The following PXDNL variants were observed in gnomAD, a reference collection of about 807,000 sequenced individuals.
The protein encoded by PXDNL is peroxidasin like, also known as probable oxidoreductase PXDNL.
PXDNL carries 145 observed loss-of-function variants against 150.8 expected under a neutral mutation model. The observed-to-expected ratio is 0.96, with a 90% CI of 0.84 to 1.10. The LOEUF is 1.10. PXDNL is among the 50% of genes least tolerant of loss of function. The pLI, the probability that PXDNL is intolerant of heterozygous loss-of-function variation, is 0.00. For synonymous variants in PXDNL, 757 were observed against 725.7 expected (o/e 1.04, Z -0.69); for missense variants, 2,087 against 1,873.9 (o/e 1.11, Z -2.10).
intron 4 of PXDNL, among the ~76,000 whole-genome samples, chr8:51,531,026 A>G (rs1811890085): frequency 6.6e-6 from 1 of 152,084 alleles, no homozygotes; most frequent in Non-Finnish European, 1.5e-5. Context: ...AATTGTAAAC[A>G]CAAGAAAGTC....
intron 2 of PXDNL, among the ~76,000 whole-genome samples, chr8:51,596,198 G>T (rs994449145): frequency 1.3e-5 from 2 of 152,086 alleles, no homozygotes; most frequent in African/African-American, 4.8e-5. Context: ...ATGACTTCCA[G>T]ATGCATCCAT....
At chr8:51,791,832 T>TA (rs1387876143) in intron 1 of PXDNL, among the ~76,000 whole-genome samples, 2 of 152,164 alleles carry the variant, frequency 1.3e-5, no homozygotes, top group Non-Finnish European at 2.9e-5. Context: ...TCTTGAAAGT[T>TA]AGATTTTTTT....
chr8:51,371,315 G>A (rs1484478226), intron 19 of PXDNL, among the ~76,000 whole-genome samples: 1 of 152,214 alleles, frequency 6.6e-6, no homozygotes, highest in African/African-American at 2.4e-5. Context: ...AAGGGATATT[G>A]TGAGCACAAA....
chr8:51,483,679 G>T lies in PXDNL; in HGVS notation c.488C>A (p.Ala163Asp). The change falls in exon 6 of 23, where the codon GCT becomes GAT. Residue 163 changes from alanine to aspartate, a missense_variant. Coordinates refer to ENST00000356297, the MANE Select transcript of PXDNL (RefSeq NM_144651.5). The stretch of plus-strand genomic sequence containing the variant: ...TGAATCCAGATTAGAAAAGCTCCCA[G>T]CTGGAATTTTAGATAATTTGTTGTT... ...LHNNKLSKIP[A>D]GSFSNLDSLK... The T allele has an allele frequency of 6.6e-7, 1 of 1,525,982 alleles. No homozygotes were observed. The highest frequency in any genetic ancestry group is 8.9e-7 in the Non-Finnish European group (1 of 1,125,794). The allele number at this position is 1,525,982 out of a possible 1,614,324, so 94.5% of individuals were successfully genotyped here. A position where few individuals can be genotyped will look rare whatever the true frequency, so the allele number is the denominator to read the frequency against.
At chr8:51,779,306 A>C (rs1563318919) in intron 1 of PXDNL, among the ~76,000 whole-genome samples, 2 of 152,220 alleles carry the variant, frequency 1.3e-5, no homozygotes, top group African/African-American at 4.8e-5. Context: ...CACACATATC[A>C]TGATCTGACG....
chr8:51,632,587 C>A (rs1814514204), intron 2 of PXDNL, among the ~76,000 whole-genome samples: 1 of 152,070 alleles, frequency 6.6e-6, no homozygotes. Flanking sequence ...GAATGAGACC[C>A]TATCTCAATC....
chr8:51,330,843 C>A (rs150738270), intron 21 of PXDNL, among the ~76,000 whole-genome samples: 46 of 152,182 alleles, frequency 3.0e-4, no homozygotes, highest in African/African-American at 1.1e-3. Flanking sequence ...TCATCTAAAC[C>A]AATTATGGGT....
intron 12 of PXDNL, among the ~76,000 whole-genome samples, chr8:51,440,735 C>T (rs1809524267): frequency 6.6e-6 from 1 of 152,122 alleles, no homozygotes; most frequent in Non-Finnish European, 1.5e-5. Flanking sequence ...CAGAGAAATA[C>T]CTGAGACCAG....
At chr8:51,489,578 A>T (rs1013532007) in intron 5 of PXDNL, among the ~76,000 whole-genome samples, 1 of 152,184 alleles carries the variant, frequency 6.6e-6, no homozygotes, top group African/African-American at 2.4e-5. Context: ...TCAGCCTCTC[A>T]AAGTGCAGGC....
intron 2 of PXDNL, among the ~76,000 whole-genome samples, chr8:51,593,690 A>G (rs565579621): frequency 2.3e-4 from 35 of 152,150 alleles, no homozygotes; most frequent in Non-Finnish European, 4.7e-4. Flanking sequence ...TAACTGATTC[A>G]CTGTAGGCCT....
intron 3 of PXDNL, among the ~76,000 whole-genome samples, chr8:51,577,965 AAG>A (rs1813101671): frequency 9.6e-6 from 1 of 104,302 alleles, no homozygotes; most frequent in Non-Finnish European, 2.0e-5. Context: ...GAAAGAAAGA[AAG>A]AAAGAAAGAA....
intron 9 of PXDNL, among the ~76,000 whole-genome samples, chr8:51,456,667 T>G (rs1205205962): frequency 6.6e-6 from 1 of 152,242 alleles, no homozygotes; most frequent in African/African-American, 2.4e-5. Context: ...AGGGTTATTA[T>G]GCCTACTGTG....
At chr8:51,416,429 A>C (rs1808802764) in intron 14 of PXDNL, among the ~76,000 whole-genome samples, 1 of 152,246 alleles carries the variant, frequency 6.6e-6, no homozygotes, top group African/African-American at 2.4e-5. Flanking sequence ...ATAGTTGTAT[A>C]AGATTTACAA....
intron 1 of PXDNL, among the ~76,000 whole-genome samples, chr8:51,688,425 G>T (rs781482453): frequency 6.6e-6 from 1 of 152,172 alleles, no homozygotes; most frequent in African/African-American, 2.4e-5. Flanking sequence ...ACACACTGCA[G>T]AACAGAAAGT....
At chr8:51,465,361 T>TA (rs760493571) in intron 8 of PXDNL, among the ~76,000 whole-genome samples, 108 of 147,660 alleles carry the variant, frequency 7.3e-4, no homozygotes, top group African/African-American at 1.3e-3. Context: ...TCCTTCATGA[T>TA]AAAAAAAAAA....
intron 19 of PXDNL, among the ~76,000 whole-genome samples, chr8:51,350,788 C>A (rs1403772952): frequency 6.6e-6 from 1 of 152,176 alleles, no homozygotes; most frequent in African/African-American, 2.4e-5. Context: ...TCTATGCTTG[C>A]AGCCTGACCT....
chr8:51,441,249 A>G (rs1809541469), intron 12 of PXDNL, among the ~76,000 whole-genome samples: 1 of 152,192 alleles, frequency 6.6e-6, no homozygotes, highest in Admixed American at 6.6e-5. Flanking sequence ...CTCCCCAGCC[A>G]TACAGAACTG....
At position 51,599,738 on chromosome 8, in the gene PXDNL, T is replaced by C. The variant is rs187752930; in HGVS notation, c.237-7040A>G. On this transcript the variant is annotated intron_variant, in intron 2 of 22. Coordinates refer to ENST00000356297, the MANE Select transcript of PXDNL (RefSeq NM_144651.5). ...TGTCATTTATATAATAAATTATATC[T>C]TATATAAATGATATCGTTTATATAA... Among the ~76,000 whole-genome samples the C allele has an allele frequency of 2.7e-5, 4 of 146,522 alleles. No homozygotes were observed. The East Asian group carries it at 7.9e-4, about 29-fold the overall frequency.
intron 3 of PXDNL, among the ~76,000 whole-genome samples, chr8:51,562,377 C>T (rs1287712464): frequency 1.3e-5 from 2 of 151,778 alleles, no homozygotes; most frequent in African/African-American, 4.8e-5. Flanking sequence ...AGATTCTTTC[C>T]CTAATTCCAA....
Sources: gnomAD v4.1 joint callset for allele counts (sites outside exome capture counted in the v4.1 genomes callset) on GRCh38, gnomAD v4.1.1 for gene constraint, MANE v1.5 for transcripts, NCBI Gene and HGNC (gene_info 2026-07-23, HGNC 2026-07-21) for gene names.